SRGAP1: variants seen among roughly 807,000 people sequenced by gnomAD.
The protein encoded by SRGAP1 is SLIT-ROBO Rho GTPase-activating protein 1.
A neutral mutation model predicts 121.9 loss-of-function variants in SRGAP1; 43 were observed. The ratio of observed to expected loss-of-function variants is 0.35; its 90% confidence interval spans 0.28 to 0.46. SRGAP1 has a LOEUF of 0.46. SRGAP1 is among the 20% of genes least tolerant of loss of function. SRGAP1 has a pLI of 1.00. For missense variants in SRGAP1, 1,102 were observed against 1,350.9 expected, an observed-to-expected ratio of 0.82 and a Z score of 2.89; for synonymous variants, 447 against 485.4, an observed-to-expected ratio of 0.92 and a Z score of 1.04.
Position 64,109,014 on chromosome 12 carries a change from G to T in SRGAP1, c.1896G>T (p.Arg632Ser). The T allele has an allele frequency of 1.3e-6, 2 of 1,574,534 alleles. No individual in the cohort carries two copies. Among genetic ancestry groups the T allele is most frequent in the Non-Finnish European group, 1.7e-6 (2 of 1,154,250 alleles). Residue 632 changes from arginine to serine, a missense_variant, in exon 16 of 22, where the codon AGG (arginine) becomes AGT (serine). By Grantham distance (110) the Arg-to-Ser change is moderately radical (BLOSUM62 -1). This residue lies in a region of SRGAP1 where 747 missense variants were observed against 929.4 expected (regional missense o/e 0.80). Coordinates refer to ENST00000355086, the MANE Select transcript of SRGAP1 (RefSeq NM_020762.4). ...CCAGGTCGGTCCTTATAGTGATGAG[G>T]TACCTCTTTGCCTTCCTCAATCAGT... is the stretch of plus-strand genomic sequence containing the variant. The part of the protein sequence containing the change: ...TLPRSVLIVM[R>S]YLFAFLNHLS...
chr12:63,852,959 C>T (rs187963006), intron 1 of SRGAP1, among the ~76,000 whole-genome samples: 1 of 151,508 alleles, frequency 6.6e-6, no homozygotes, highest in Non-Finnish European at 1.5e-5. Context: ...TTCCTTTATA[C>T]TGCAAATAAG....
intron 21 of SRGAP1, among the ~76,000 whole-genome samples, chr12:64,140,199 G>A (rs1435077557): frequency 7.1e-6 from 1 of 141,198 alleles, no homozygotes; most frequent in African/African-American, 2.8e-5. Context: ...TTGTTCTTTT[G>A]GCTTAGGATT....
At position 64,128,101 on chromosome 12, in the gene SRGAP1, CAAG is replaced by C; in HGVS notation, c.2786_2788del (p.Lys929del). On this transcript the variant is annotated inframe_deletion, in exon 21 of 22. Transcript: ENST00000355086. ...CCAACATCAGCCGGCACGACTCCCT[CAAG>C]AAGATCGACAGCCCTCCCATTAGAA... The C allele has an allele frequency of 6.2e-7, 1 of 1,614,146 alleles. No individual in the cohort carries two copies. The highest frequency in any genetic ancestry group is 8.5e-7 in the Non-Finnish European group (1 of 1,180,026).
chr12:64,082,144 A>G (rs1402256356), intron 10 of SRGAP1, among the ~76,000 whole-genome samples: 1 of 151,644 alleles, frequency 6.6e-6, no homozygotes, highest in Non-Finnish European at 1.5e-5. Context: ...CCCTATGAGG[A>G]TGGATACCAC....
Position 64,078,718 on chromosome 12 carries a change from C to G in SRGAP1, c.1126-201C>G, listed in dbSNP as rs554102669. On this transcript the variant is annotated intron_variant, in intron 8 of 21. Coordinates refer to ENST00000355086, the MANE Select transcript of SRGAP1 (RefSeq NM_020762.4). ...AAGGACTGAAATATAAAGTGATAAC[C>G]TCCTTAGGATGATTTTGAAGAAATC... 1.4e-4 allele frequency among the ~76,000 whole-genome samples: 21 copies of G among 152,212 alleles called. No homozygotes were observed. The South Asian group carries it at 4.4e-3, about 32-fold the overall frequency.
At chr12:63,957,707 C>T (rs139344430) in intron 1 of SRGAP1, among the ~76,000 whole-genome samples, 339 of 152,176 alleles carry the variant, frequency 2.2e-3, no homozygotes, top group Non-Finnish European at 3.3e-3. Context: ...ACATACGGGC[C>T]GATAGAGGCA....
chr12:64,112,035 T>C, intron 17 of SRGAP1, 49 bp downstream of exon 17: 2 of 1,430,138 alleles, frequency 1.4e-6, no homozygotes, highest in Non-Finnish European at 1.9e-6. Context: ...ATTATGGAAA[T>C]ATAGCTATCA....
intron 1 of SRGAP1, among the ~76,000 whole-genome samples, chr12:63,972,468 G>A (rs980518192): frequency 1.3e-5 from 2 of 152,184 alleles, no homozygotes; most frequent in Non-Finnish European, 2.9e-5. Context: ...TAATGCAGTG[G>A]CTGATTGCAG....
intron 4 of SRGAP1, among the ~76,000 whole-genome samples, chr12:64,035,942 A>G (rs1460467155): frequency 6.6e-6 from 1 of 152,160 alleles, no homozygotes; most frequent in East Asian, 1.9e-4. Flanking sequence ...CTGTGTGCTT[A>G]CATTCTGTCA....
At chr12:64,078,846 C>A in intron 8 of SRGAP1, 73 bp from the exon 9 acceptor site, 11 of 1,500,866 alleles carry the variant, frequency 7.3e-6, no homozygotes, top group Non-Finnish European at 1.0e-5. Context: ...CTCTACCTGA[C>A]AGAGTGGACT....
At chr12:64,011,451 G>A (rs1197499142) in intron 3 of SRGAP1, among the ~76,000 whole-genome samples, 7 of 152,218 alleles carry the variant, frequency 4.6e-5, no homozygotes, top group African/African-American at 9.6e-5. Flanking sequence ...CTTCTAACAT[G>A]TATCAGGAGT....
At chr12:64,137,952 TAA>T (rs142595703) in intron 21 of SRGAP1, among the ~76,000 whole-genome samples, 71 of 138,978 alleles carry the variant, frequency 5.1e-4, no homozygotes, top group African/African-American at 1.7e-3. Flanking sequence ...TAATTGTGCT[TAA>T]AAAAAAAATA....
intron 1 of SRGAP1, among the ~76,000 whole-genome samples, chr12:63,928,140 T>C (rs2031329440): frequency 6.6e-6 from 1 of 152,202 alleles, no homozygotes; most frequent in African/African-American, 2.4e-5. Flanking sequence ...TATCAAATTC[T>C]ATACTTCACC....
At chr12:64,128,500 G>C (rs1211784214) in intron 21 of SRGAP1, among the ~76,000 whole-genome samples, 1 of 152,176 alleles carries the variant, frequency 6.6e-6, no homozygotes, top group Non-Finnish European at 1.5e-5. Flanking sequence ...TGAAAAAGAA[G>C]AATGGGAAAG....
intron 1 of SRGAP1, among the ~76,000 whole-genome samples, chr12:63,859,920 TG>T (rs1899389702): frequency 6.6e-6 from 1 of 152,242 alleles, no homozygotes; most frequent in Non-Finnish European, 1.5e-5. Flanking sequence ...AGTTTTGATA[TG>T]TAAAGAATTA....
At chr12:63,927,065 C>G (rs1353024650) in intron 1 of SRGAP1, among the ~76,000 whole-genome samples, 2 of 152,134 alleles carry the variant, frequency 1.3e-5, no homozygotes, top group African/African-American at 2.4e-5. Context: ...TACCCAATCC[C>G]CCGACCCCCC....
chr12:64,028,894 C>G (rs1015109723), intron 4 of SRGAP1, among the ~76,000 whole-genome samples: 1 of 152,172 alleles, frequency 6.6e-6, no homozygotes, highest in Non-Finnish European at 1.5e-5. Flanking sequence ...GTGTTGCATT[C>G]GTGAAGCATT....
chr12:63,951,776 T>C (rs1382209575), intron 1 of SRGAP1, among the ~76,000 whole-genome samples: 7 of 152,380 alleles, frequency 4.6e-5, no homozygotes, highest in Middle Eastern at 3.4e-3. Context: ...TTCCTCAGCA[T>C]GCTCCTGGTT....
At chr12:64,079,260 G>T (rs2035793593) in intron 9 of SRGAP1, 144 bp downstream of exon 9, 2 of 869,894 alleles carry the variant, frequency 2.3e-6, no homozygotes, top group African/African-American at 1.7e-5. Context: ...GATTCAGTCA[G>T]TTTCGGAAAG....
Sources: gnomAD v4.1 joint callset for allele counts (sites outside exome capture counted in the v4.1 genomes callset) on GRCh38, gnomAD v4.1.1 for gene constraint, gnomAD v4.1.1 regional missense constraint, MANE v1.5 for transcripts, NCBI Gene and HGNC (gene_info 2026-07-23, HGNC 2026-07-21) for gene names.